ATP1A1: variants seen among roughly 807,000 people sequenced by gnomAD.
ATP1A1 encodes sodium/potassium-transporting ATPase subunit alpha-1.
Under a neutral mutation model 114.8 loss-of-function variants are expected in ATP1A1, and 14 were observed. That is an observed-to-expected ratio of 0.12 (90% confidence interval 0.08 to 0.19). The LOEUF is 0.19. ATP1A1 is among the 10% of genes least tolerant of loss of function. The pLI is 1.00. For missense variants in ATP1A1, 524 were observed against 1,290.7 expected, an observed-to-expected ratio of 0.41 and a Z score of 9.10; for synonymous variants, 471 against 466.3, an observed-to-expected ratio of 1.01 and a Z score of -0.13.
intron 1 of ATP1A1, chr1:116,373,858 G>A: frequency 7.9e-7 from 1 of 1,267,374 alleles, no homozygotes; most frequent in Non-Finnish European, 9.9e-7. Flanking sequence ...CCGGGAGGAG[G>A]GGGCTTGCAG....
chr1:116,398,100 G>T lies in ATP1A1; in HGVS notation c.2124+62G>T. The T allele has an allele frequency of 6.3e-7, 1 of 1,593,118 alleles. No individual in the cohort carries two copies. Among genetic ancestry groups the T allele is most frequent in the Non-Finnish European group, 8.6e-7 (1 of 1,168,082 alleles). ...ATTGGCTTTAGGGATTGGAGTTCCA[G>T]TGGAAACAGAGCAACGGTGATGGAT... On this transcript the variant is annotated intron_variant, in intron 15 of 22. Coordinates refer to ENST00000295598, the MANE Select transcript of ATP1A1 (RefSeq NM_000701.8). The surrounding 1 kb of genome is among the most constrained non-coding windows in gnomAD (Gnocchi z 6.1).
chr1:116,388,293 C>A lies in ATP1A1; in HGVS notation c.501+49C>A. ...CAGTGGATGACTTGACAGCCCCAAGCATGTCAGCCTGTGAATTAGTGTGAA... is the reference window on the plus strand; with the variant it reads ...CAGTGGATGACTTGACAGCCCCAAGAATGTCAGCCTGTGAATTAGTGTGAA... On this transcript the variant is annotated intron_variant, in intron 5 of 22. Transcript: ENST00000295598. This position sits in a 1 kb window ranked among gnomAD's most constrained non-coding sequence, Gnocchi z 5.6. The A allele has an allele frequency of 7.2e-7, 1 of 1,398,442 alleles. No homozygotes were observed. The highest frequency in any genetic ancestry group is 1.0e-6 in the Non-Finnish European group (1 of 985,256). 86.6% of individuals were successfully genotyped at this position (1,398,442 alleles called of 1,614,324 possible). A position where few individuals can be genotyped will look rare whatever the true frequency, so the allele number is the denominator to read the frequency against.
intron 1 of ATP1A1, among the ~76,000 whole-genome samples, chr1:116,378,617 C>T (rs910218140): frequency 1.3e-5 from 2 of 152,130 alleles, no homozygotes; most frequent in Non-Finnish European, 2.9e-5. Context: ...TTTCTTTTAT[C>T]TTCCACATGA....
In ATP1A1 at chr1:116,388,040, A is replaced by C; in HGVS notation, c.388-91A>C. 2.4e-6 allele frequency: 2 copies of C among 832,516 alleles called. No individual in the cohort carries two copies. The highest frequency in any genetic ancestry group is 3.9e-6 in the Non-Finnish European group (2 of 514,174). 51.6% of individuals were successfully genotyped at this position (832,516 alleles called of 1,614,324 possible). ...TTCTGAAATCTTGGTTTCTCTATTA[A>C]AAATCTGTTTTTTATTCAGTCAAAA... On this transcript the variant is annotated intron_variant, in intron 4 of 22. Coordinates refer to ENST00000295598, the MANE Select transcript of ATP1A1 (RefSeq NM_000701.8). This position sits in a 1 kb window ranked among gnomAD's most constrained non-coding sequence, Gnocchi z 5.6.
Position 116,401,917 on chromosome 1 carries a change from A to T in ATP1A1, c.2951+262A>T, listed in dbSNP as rs1464028731. The T allele has an allele frequency of 4.0e-6, 2 of 497,082 alleles. No individual in the cohort carries two copies. Among genetic ancestry groups the T allele is most frequent in the Non-Finnish European group, 7.2e-6 (2 of 279,506 alleles). 30.8% of individuals were successfully genotyped at this position (497,082 alleles called of 1,614,324 possible). On this transcript the variant is annotated intron_variant, in intron 21 of 22. Transcript: ENST00000295598. The surrounding 1 kb of genome is among the most constrained non-coding windows in gnomAD (Gnocchi z 4.7). ...GGCTCTAGCTCCATGGAACTGCTCA[A>T]CAGCGAACTGCATTGAGCACTCAGG... is the stretch of plus-strand genomic sequence containing the variant.
chr1:116,394,935 ACT>A (rs754111179), intron 12 of ATP1A1, among the ~76,000 whole-genome samples, 173 bp from the exon 13 acceptor site: 101 of 152,158 alleles, frequency 6.6e-4, no homozygotes, highest in African/African-American at 2.0e-3. Flanking sequence ...TCTTTCAGTG[ACT>A]CTATCGTTCA....
chr1:116,404,393 G>A lies in ATP1A1; in HGVS notation c.3044-23G>A, dbSNP rs1653798320. 1.1e-5 allele frequency: 18 copies of A among 1,613,648 alleles called. No homozygotes were observed. Among genetic ancestry groups the A allele is most frequent in the Non-Finnish European group, 1.4e-5 (17 of 1,179,876 alleles). ...AGGAAGACTCACTGTAGTGTGTCTT[G>A]TCTGTCTCTTTGCCACCCACAGGCT... On this transcript the variant is annotated intron_variant, in intron 22 of 22. Coordinates refer to ENST00000295598, the MANE Select transcript of ATP1A1 (RefSeq NM_000701.8). This position sits in a 1 kb window ranked among gnomAD's most constrained non-coding sequence, Gnocchi z 4.8.
At position 116,390,422 on chromosome 1, in the gene ATP1A1, G is replaced by T. The variant is rs758798958; in HGVS notation, c.1222+11G>T. 23 of 1,611,830 alleles carry T rather than the reference G, an allele frequency of 1.4e-5. No homozygotes were observed. In the East Asian group the frequency reaches 5.1e-4, roughly 36 times the overall value. On this transcript the variant is annotated intron_variant, in intron 9 of 22. Transcript: ENST00000295598. ...CAGAGAATCAGAGTGGTAAGGCCAG[G>T]GTTACCACACACCTCAGCCACCTGC...
chr1:116,376,468 A>G (rs1258140454), intron 1 of ATP1A1, among the ~76,000 whole-genome samples: 2 of 152,220 alleles, frequency 1.3e-5, no homozygotes, highest in Non-Finnish European at 2.9e-5. Context: ...GCCGGGAGCT[A>G]GTGGAGCAAG....
In ATP1A1 at chr1:116,393,469, T is replaced by G. The variant is rs1652637443; in HGVS notation, c.1468-62T>G. On this transcript the variant is annotated intron_variant, in intron 11 of 22. Transcript: ENST00000295598. This position sits in a 1 kb window ranked among gnomAD's most constrained non-coding sequence, Gnocchi z 5.0. ...ACTAAATAGTAAGTGAAGCTTTGTT[T>G]TCCACCATGGACTGCCACACATCCA... 1.3e-6 allele frequency: 2 copies of G among 1,516,538 alleles called. No homozygotes were observed. The highest frequency in any genetic ancestry group is 2.0e-5 in the Admixed American group (1 of 48,978). 93.9% of individuals were successfully genotyped at this position (1,516,538 alleles called of 1,614,324 possible). A position where few individuals can be genotyped will look rare whatever the true frequency, so the allele number is the denominator to read the frequency against.
At chr1:116,400,729 T>A in intron 18 of ATP1A1, 132 bp from the exon 19 acceptor site, 1 of 1,144,496 alleles carries the variant, frequency 8.7e-7, no homozygotes, top group Admixed American at 2.3e-5. Flanking sequence ...AATTCTTTCC[T>A]GTGCTTTTAT....
At chr1:116,376,311 C>A (rs889615345) in intron 1 of ATP1A1, among the ~76,000 whole-genome samples, 1 of 152,162 alleles carries the variant, frequency 6.6e-6, no homozygotes, top group African/African-American at 2.4e-5. Flanking sequence ...CAGCAGAAAT[C>A]CTGGTTGTAT....
rs1653777971 is a variant in ATP1A1 at position 116,404,148 on chromosome 1, TAC to T, written c.3043+175_3043+176del. Among the ~76,000 whole-genome samples the T allele has an allele frequency of 6.6e-6, 1 of 150,634 alleles. No individual in the cohort carries two copies. Among genetic ancestry groups the T allele is most frequent in the South Asian group, 2.1e-4 (1 of 4,750 alleles). On this transcript the variant is annotated intron_variant, in intron 22 of 22. Transcript: ENST00000295598. This position sits in a 1 kb window ranked among gnomAD's most constrained non-coding sequence, Gnocchi z 4.8. Reference sequence around the variant, plus strand: ...ACATCTTCAGAATGTAGATCTCAGTTACAGTTTGAGGACTGGTCATGTTTTAG... The same window carrying T: ...ACATCTTCAGAATGTAGATCTCAGTTAGTTTGAGGACTGGTCATGTTTTAG...
At position 116,395,156 on chromosome 1, in the gene ATP1A1, C is replaced by T; in HGVS notation, c.1707C>T (p.Phe569=). 1 of 1,614,118 alleles carries T rather than the reference C, an allele frequency of 6.2e-7. No homozygotes were observed. Among genetic ancestry groups the T allele is most frequent in the Non-Finnish European group, 8.5e-7 (1 of 1,179,996 alleles). ...CAGATGAACAGTTTCCTGAAGGGTT[C>T]CAGTTTGACACTGACGATGTGAATT... is the stretch of plus-strand genomic sequence containing the variant. The part of the protein sequence containing the change: ...FLPDEQFPEG[F]QFDTDDVNFP... The change falls in exon 13 of 23, where the codon TTC becomes TTT. Residue 569 remains phenylalanine, a synonymous_variant. Transcript: ENST00000295598. The surrounding 1 kb of genome is among the most constrained non-coding windows in gnomAD (Gnocchi z 6.4).
At chr1:116,394,008 T>TA (rs936308669) in intron 12 of ATP1A1, among the ~76,000 whole-genome samples, 137 of 148,818 alleles carry the variant, frequency 9.2e-4, no homozygotes, top group East Asian at 2.0e-3. Context: ...TCTGTTTGTT[T>TA]AAAAAAAAAA....
intron 1 of ATP1A1, chr1:116,383,501 G>GAGATA: frequency 2.4e-6 from 1 of 418,530 alleles, no homozygotes; most frequent in Non-Finnish European, 3.2e-6. Context: ...CCACGCTGTG[G>GAGATA]AAGAGGAAAT....
At chr1:116,400,324 G>A (rs536923969) in intron 18 of ATP1A1, among the ~76,000 whole-genome samples, 85 of 152,304 alleles carry the variant, frequency 5.6e-4, no homozygotes, top group African/African-American at 1.9e-3. Context: ...TTGAGAGGAA[G>A]GAAGACTAGG....
chr1:116,390,695 T>C, intron 9 of ATP1A1, 87 bp from the exon 10 acceptor site: 1 of 1,137,466 alleles, frequency 8.8e-7, no homozygotes, highest in Non-Finnish European at 1.3e-6. Context: ...CACTGCAGAT[T>C]TCTATGGGAC....
At chr1:116,376,494 G>C (rs1651380053) in intron 1 of ATP1A1, among the ~76,000 whole-genome samples, 1 of 152,232 alleles carries the variant, frequency 6.6e-6, no homozygotes, top group Non-Finnish European at 1.5e-5. Context: ...GGAAGAACTA[G>C]TGCCTAGAGC....
Sources: gnomAD v4.1 joint callset for allele counts (sites outside exome capture counted in the v4.1 genomes callset) on GRCh38, gnomAD v4.1.1 for gene constraint, Gnocchi (gnomAD v3.1) non-coding constraint, MANE v1.5 for transcripts, NCBI Gene and HGNC (gene_info 2026-07-23, HGNC 2026-07-21) for gene names.